LRP4: variants seen among roughly 807,000 people sequenced by gnomAD.
LRP4 encodes the protein low-density lipoprotein receptor-related protein 4.
LRP4 carries 95 observed loss-of-function variants against 220.3 expected under a neutral mutation model. The ratio of observed to expected loss-of-function variants is 0.43; its 90% CI spans 0.37 to 0.51. The LOEUF is 0.51. Among genes scored for constraint, LRP4 ranks in the 20% least tolerant of loss-of-function variants. LRP4 has a pLI of 0.00. For synonymous variants in LRP4, 903 were observed against 954.6 expected (o/e 0.95, Z 1.00); for missense variants, 1,925 against 2,567.0 (o/e 0.75, Z 5.40).
At chr11:46,897,348 C>A (rs11039021) in intron 7 of LRP4, among the ~76,000 whole-genome samples, 20 of 95,638 alleles carry the variant, frequency 2.1e-4, no homozygotes, top group Non-Finnish European at 2.7e-4. Context: ...TTTTTTTTTT[C>A]TTTTTATTTT....
Position 46,883,988 on chromosome 11 carries a change from G to A in LRP4, c.2507-12C>T. Reference sequence around the variant, plus strand: ...AATCCGGTCTGTACCTATCAAGAAGGGATACAGAGATTAATTCTAGTCTTG... The same window carrying A: ...AATCCGGTCTGTACCTATCAAGAAGAGATACAGAGATTAATTCTAGTCTTG... On this transcript the variant is annotated splice_polypyrimidine_tract_variant and intron_variant, in intron 18 of 37. Coordinates refer to ENST00000378623, the MANE Select transcript of LRP4 (RefSeq NM_002334.4). 1 of 1,593,808 alleles carries A rather than the reference G, an allele frequency of 6.3e-7. No individual in the cohort carries two copies. Among genetic ancestry groups the A allele is most frequent in the Non-Finnish European group, 8.6e-7 (1 of 1,161,476 alleles).
chr11:46,906,691 C>T (rs987251670), intron 1 of LRP4, among the ~76,000 whole-genome samples: 20 of 152,166 alleles, frequency 1.3e-4, no homozygotes, highest in Non-Finnish European at 2.5e-4. Context: ...AATGAAAAGT[C>T]ATACTGGTAG....
intron 22 of LRP4, among the ~76,000 whole-genome samples, chr11:46,878,274 CTTTTTT>C (rs71042631): frequency 2.7e-5 from 2 of 74,980 alleles, no homozygotes; most frequent in African/African-American, 9.3e-5. Flanking sequence ...TTAGAAGTGT[CTTTTTT>C]TTTTTTTTTT....
intron 9 of LRP4, 56 bp downstream of exon 9, chr11:46,896,154 A>T: frequency 6.2e-7 from 1 of 1,611,200 alleles, no homozygotes; most frequent in South Asian, 1.1e-5. Context: ...TTTGAACCCT[A>T]TGGGTGGGGT....
At chr11:46,887,516 T>C (rs1941322561) in intron 16 of LRP4, among the ~76,000 whole-genome samples, 1 of 150,930 alleles carries the variant, frequency 6.6e-6, no homozygotes, top group Non-Finnish European at 1.5e-5. Context: ...CTGAGCAACA[T>C]AGTGGAACCC....
At position 46,865,189 on chromosome 11, in the gene LRP4, G is replaced by A. The variant is rs1310294397; in HGVS notation, c.5088-3C>T. ...GCCTGGCATCCCTTTCAGAGCATCT[G>A]TGGGGCACAGAAAACTGGATGTGAA... On this transcript the variant is annotated splice_region_variant and splice_polypyrimidine_tract_variant and intron_variant, in intron 34 of 37. Coordinates refer to ENST00000378623, the MANE Select transcript of LRP4 (RefSeq NM_002334.4). 1 of 1,553,630 alleles carries A rather than the reference G, an allele frequency of 6.4e-7. No individual in the cohort carries two copies.
At chr11:46,892,859 C>T (rs1163291131) in intron 13 of LRP4, 114 bp downstream of exon 13, 47 of 1,334,758 alleles carry the variant, frequency 3.5e-5, no homozygotes, top group African/African-American at 8.7e-5. Context: ...CGTGAGCCAC[C>T]GCGCCCAGCT....
chr11:46,874,537 G>C lies in LRP4; in HGVS notation c.4229+263C>G, dbSNP rs188304180. On this transcript the variant is annotated intron_variant, in intron 28 of 37. Coordinates refer to ENST00000378623, the MANE Select transcript of LRP4 (RefSeq NM_002334.4). ...TCCCTCAGGGCACAATGGTAGATGT[G>C]AAAGTCTCCAGGTCCCCTGACTTTA... The C allele has an allele frequency of 1.1e-3, 505 of 475,600 alleles. 3 individuals carry two copies. The highest frequency in any genetic ancestry group is 9.4e-3 in the African/African-American group (482 of 51,478). The allele number at this position is 475,600 out of a possible 1,614,324, so 29.5% of individuals were successfully genotyped here.
rs145400087 is a variant in LRP4, at chr11:46,858,909, G to A, written c.*74C>T. ...ACAAGCACACAGAAGCGGGGCCTGC[G>A]GTGTAAGCGAGCACAAGGACTAGAC... On this transcript the variant is annotated 3_prime_UTR_variant, in exon 38 of 38. Coordinates refer to ENST00000378623, the MANE Select transcript of LRP4 (RefSeq NM_002334.4). The A allele has an allele frequency of 5.0e-4, 690 of 1,384,206 alleles. 4 individuals are homozygous for A. The African/African-American group carries it at 8.6e-3, about 17-fold the overall frequency. The allele number at this position is 1,384,206 out of a possible 1,614,324, so 85.7% of individuals were successfully genotyped here.
At chr11:46,862,454 C>T (rs962788889) in intron 37 of LRP4, 152 bp downstream of exon 37, 5 of 849,264 alleles carry the variant, frequency 5.9e-6, no homozygotes, top group African/African-American at 5.0e-5. Context: ...TCCCAGAAAC[C>T]CAAATTACAT....
intron 19 of LRP4, 94 bp downstream of exon 19, chr11:46,883,777 G>T: frequency 1.0e-6 from 1 of 983,790 alleles, no homozygotes; most frequent in Non-Finnish European, 1.6e-6. Flanking sequence ...ATATCCATAA[G>T]ATCTGGTCAC....
At chr11:46,887,947 C>T (rs75186174) in intron 16 of LRP4, among the ~76,000 whole-genome samples, 23,957 of 135,528 alleles carry the variant, frequency 0.18, 2,656 homozygotes, top group East Asian at 0.63. Context: ...CCCAGGAAGT[C>T]GAAGCTGCAG....
At chr11:46,910,502 C>T (rs1455227394) in intron 1 of LRP4, among the ~76,000 whole-genome samples, 1 of 152,146 alleles carries the variant, frequency 6.6e-6, no homozygotes, top group African/African-American at 2.4e-5. Flanking sequence ...TCACATCCAA[C>T]CACTCCATGA....
chr11:46,901,229 A>G (rs781473740), intron 2 of LRP4, among the ~76,000 whole-genome samples: 3 of 152,234 alleles, frequency 2.0e-5, no homozygotes, highest in Admixed American at 6.5e-5. Context: ...GGGTAGGGGA[A>G]GAACAACCCA....
At chr11:46,917,895 G>A (rs1162161989) in intron 1 of LRP4, among the ~76,000 whole-genome samples, 1 of 152,100 alleles carries the variant, frequency 6.6e-6, no homozygotes, top group Non-Finnish European at 1.5e-5. Flanking sequence ...CGAGCCCCCA[G>A]CCCCAGGAAG....
intron 1 of LRP4, among the ~76,000 whole-genome samples, chr11:46,907,998 G>A (rs944289045): frequency 6.6e-6 from 1 of 151,914 alleles, no homozygotes; most frequent in Admixed American, 6.6e-5. Context: ...GCAGTGGCGC[G>A]ATCTCAGCTT....
chr11:46,895,981 G>C lies in LRP4; in HGVS notation c.1086C>G (p.Asn362Lys). Residue 362 changes from asparagine to lysine, a missense_variant, in exon 10 of 38, where the codon AAC becomes AAG. Asn to Lys is a moderately conservative substitution (Grantham distance 94, BLOSUM62 0). This residue lies in a region of LRP4 where 269 missense variants were observed against 436.7 expected (regional missense o/e 0.62). Coordinates refer to ENST00000378623, the MANE Select transcript of LRP4 (RefSeq NM_002334.4). ...TCTGGCACTTCTGGGCACAGCCACC[G>C]TTGTTAACATTGCAGTTCTCCTCAC... The part of the protein sequence containing the change: ...RTGEENCNVN[N>K]GGCAQKCQMV... The C allele has an allele frequency of 6.2e-7, 1 of 1,614,102 alleles. No individual in the cohort carries two copies. The highest frequency in any genetic ancestry group is 8.5e-7 in the Non-Finnish European group (1 of 1,180,032).
intron 1 of LRP4, among the ~76,000 whole-genome samples, chr11:46,915,548 T>G (rs1394520280): frequency 6.6e-6 from 1 of 152,124 alleles, no homozygotes; most frequent in Non-Finnish European, 1.5e-5. Flanking sequence ...CACCTTAAAC[T>G]TTATTTATTT....
chr11:46,892,427 AT>A (rs576712603), intron 13 of LRP4, among the ~76,000 whole-genome samples: 3 of 151,344 alleles, frequency 2.0e-5, no homozygotes, highest in Non-Finnish European at 4.4e-5. Context: ...TGATGGAGGT[AT>A]TTTTTTTTAA....
Sources: allele counts gnomAD v4.1 joint callset (sites outside exome capture counted in the v4.1 genomes callset), GRCh38; gene constraint gnomAD v4.1.1; regional missense constraint gnomAD v4.1.1; transcripts MANE v1.5; gene names NCBI Gene and HGNC (gene_info 2026-07-23, HGNC 2026-07-21).